PTPRD: variants seen among roughly 807,000 people sequenced by gnomAD.
PTPRD encodes protein tyrosine phosphatase receptor type D, also known as receptor-type tyrosine-protein phosphatase delta.
A neutral mutation model predicts 214.5 loss-of-function variants in PTPRD; 34 were observed. The ratio of observed to expected loss-of-function variants is 0.16; its 90% CI spans 0.12 to 0.21. The LOEUF (loss-of-function observed/expected upper bound fraction) is 0.21. PTPRD is among the 10% of genes least tolerant of loss of function. The pLI is 1.00. For synonymous variants in PTPRD, 1,128 were observed against 845.7 expected (o/e 1.33, Z -5.79); for missense variants, 2,545 against 2,398.7 (o/e 1.06, Z -1.27).
intron 11 of PTPRD, among the ~76,000 whole-genome samples, chr9:8,964,178 T>C (rs1244568729): frequency 1.4e-5 from 2 of 142,926 alleles, no homozygotes; most frequent in Non-Finnish European, 3.0e-5. Flanking sequence ...TGAATCTATC[T>C]AGTTCAGGGC....
rs907647638 is a variant in PTPRD at position 10,612,832 on chromosome 9, C to T, written c.-852G>A. 2 of 152,086 alleles carry T rather than the reference C, an allele frequency of 1.3e-5. No individual in the cohort carries two copies. Among genetic ancestry groups the T allele is most frequent in the African/African-American group, 2.4e-5 (1 of 41,404 alleles). 9.4% of individuals were successfully genotyped at this position (152,086 alleles called of 1,614,324 possible). On this transcript the variant is annotated 5_prime_UTR_variant, in exon 1 of 46. Transcript: ENST00000381196. ...GGCCGATGAGCGGCTCCCGGCTCCT[C>T]GGAGAAGCAGCCGAGACGGCAAGGA...
At chr9:8,954,792 T>C (rs926745248) in intron 11 of PTPRD, among the ~76,000 whole-genome samples, 1 of 151,906 alleles carries the variant, frequency 6.6e-6, no homozygotes, top group African/African-American at 2.4e-5. Context: ...ATAAAAACAA[T>C]GGACTCAAGG....
chr9:8,451,678 T>C (rs2095958421), intron 33 of PTPRD, among the ~76,000 whole-genome samples: 2 of 152,156 alleles, frequency 1.3e-5, no homozygotes, highest in Admixed American at 1.3e-4. Context: ...ACGTGAAACA[T>C]ATGGTTGGTC....
chr9:9,022,328 C>T (rs1246660357), intron 10 of PTPRD, among the ~76,000 whole-genome samples: 1 of 152,092 alleles, frequency 6.6e-6, no homozygotes. Context: ...CTCGTTGATT[C>T]ACCTAGAGCA....
chr9:9,865,580 T>G (rs1313883550), intron 5 of PTPRD, among the ~76,000 whole-genome samples: 2 of 152,148 alleles, frequency 1.3e-5, no homozygotes, highest in Admixed American at 1.3e-4. Context: ...AAGAAATTCC[T>G]TTTCTTTATA....
chr9:8,844,705 T>G (rs1256627731), intron 11 of PTPRD, among the ~76,000 whole-genome samples: 3 of 152,192 alleles, frequency 2.0e-5, no homozygotes, highest in African/African-American at 7.2e-5. Flanking sequence ...GATGGTCCAA[T>G]AATAGCCAAA....
intron 9 of PTPRD, among the ~76,000 whole-genome samples, chr9:9,268,092 G>A (rs1940955275): frequency 6.6e-6 from 1 of 150,868 alleles, no homozygotes; most frequent in South Asian, 2.1e-4. Flanking sequence ...CTCTGTTTTT[G>A]ATGATATAAT....
At chr9:9,014,189 TTG>T (rs758325310) in intron 11 of PTPRD, among the ~76,000 whole-genome samples, 4,479 of 103,304 alleles carry the variant, frequency 0.043, 102 homozygotes, top group African/African-American at 0.073. Context: ...TTTTTTTTGT[TTG>T]TTTGTTTGTT....
At chr9:10,316,159 A>G (rs1367403923) in intron 3 of PTPRD, among the ~76,000 whole-genome samples, 1 of 132,300 alleles carries the variant, frequency 7.6e-6, no homozygotes, top group Non-Finnish European at 1.6e-5. Context: ...GTATATATGT[A>G]TATCTATGTA....
chr9:9,869,474 AT>A (rs1179509592), intron 5 of PTPRD, among the ~76,000 whole-genome samples: 1 of 152,156 alleles, frequency 6.6e-6, no homozygotes, highest in African/African-American at 2.4e-5. Flanking sequence ...GGACTCACCT[AT>A]AGCTTCTCTT....
At chr9:10,063,017 G>A (rs2097802480) in intron 3 of PTPRD, among the ~76,000 whole-genome samples, 1 of 152,034 alleles carries the variant, frequency 6.6e-6, no homozygotes. Context: ...TGTGGAAACA[G>A]AACACCAATA....
At chr9:9,391,729 C>G (rs1213090539) in intron 9 of PTPRD, among the ~76,000 whole-genome samples, 1 of 152,108 alleles carries the variant, frequency 6.6e-6, no homozygotes, top group African/African-American at 2.4e-5. Flanking sequence ...GTAGTAAAAC[C>G]AAACTCCCTG....
intron 7 of PTPRD, among the ~76,000 whole-genome samples, chr9:9,657,421 G>A (rs1594445043): frequency 6.6e-6 from 1 of 152,090 alleles, no homozygotes; most frequent in Admixed American, 6.5e-5. Flanking sequence ...ATGGACACAG[G>A]GAGGAGAACA....
intron 4 of PTPRD, among the ~76,000 whole-genome samples, chr9:9,973,067 C>T (rs2095201436): frequency 2.0e-5 from 3 of 151,932 alleles, no homozygotes; most frequent in African/African-American, 7.2e-5. Flanking sequence ...TTAGAAAATT[C>T]CAATAAGTCT....
chr9:10,239,273 T>C (rs1270906874), intron 3 of PTPRD, among the ~76,000 whole-genome samples: 1 of 151,838 alleles, frequency 6.6e-6, no homozygotes, highest in African/African-American at 2.4e-5. Context: ...AATTATACAA[T>C]GAATGTGACT....
At chr9:8,788,107 C>T (rs968634301) in intron 11 of PTPRD, among the ~76,000 whole-genome samples, 9 of 152,094 alleles carry the variant, frequency 5.9e-5, no homozygotes, top group East Asian at 1.9e-4. Context: ...CAGGATGTAT[C>T]GAAAACATTC....
At chr9:9,203,274 C>G (rs541103436) in intron 9 of PTPRD, among the ~76,000 whole-genome samples, 1 of 151,982 alleles carries the variant, frequency 6.6e-6, no homozygotes, top group African/African-American at 2.4e-5. Context: ...ATCAGATATA[C>G]TTTTCCCCCT....
At chr9:10,238,423 T>A (rs1371164640) in intron 3 of PTPRD, among the ~76,000 whole-genome samples, 2 of 151,906 alleles carry the variant, frequency 1.3e-5, no homozygotes, top group African/African-American at 4.8e-5. Flanking sequence ...ATGTAACATT[T>A]CTCCATGTTA....
intron 3 of PTPRD, among the ~76,000 whole-genome samples, chr9:10,323,138 C>A (rs559416674): frequency 1.5e-4 from 23 of 151,674 alleles, no homozygotes; most frequent in African/African-American, 5.3e-4. Context: ...AAATATACAT[C>A]AATTCTTTCT....
Sources: gnomAD v4.1 joint callset for allele counts (sites outside exome capture counted in the v4.1 genomes callset) on GRCh38, gnomAD v4.1.1 for gene constraint, MANE v1.5 for transcripts, NCBI Gene and HGNC (gene_info 2026-07-23, HGNC 2026-07-21) for gene names.